The following ATP8A2 variants were observed in gnomAD, a reference collection of about 807,000 sequenced individuals.
ATP8A2 encodes ATPase phospholipid transporting 8A2, also known as phospholipid-transporting ATPase IB.
A neutral mutation model predicts 165.6 loss-of-function variants in ATP8A2; 100 were observed. The ratio of observed to expected loss-of-function variants is 0.60; its 90% confidence interval spans 0.51 to 0.71. The LOEUF (loss-of-function observed/expected upper bound fraction) is 0.71. Among genes scored for constraint, ATP8A2 ranks in the 30% least tolerant of loss-of-function variants. The probability of loss-of-function intolerance (pLI) is 0.00; values close to 1 mark genes in which losing one functional copy is unlikely to be tolerated. For missense variants in ATP8A2, 1,227 were observed against 1,479.5 expected, an observed-to-expected ratio of 0.83 and a Z score of 2.80; for synonymous variants, 543 against 548.8, an observed-to-expected ratio of 0.99 and a Z score of 0.15.
chr13:25,926,157 A>G (rs1292376657), intron 33 of ATP8A2, among the ~76,000 whole-genome samples: 1 of 152,158 alleles, frequency 6.6e-6, no homozygotes, highest in East Asian at 1.9e-4. Flanking sequence ...ATTCCTAACA[A>G]GACTTAAAGA....
chr13:25,754,268 A>C (rs75876390), intron 25 of ATP8A2, among the ~76,000 whole-genome samples: 1 of 152,210 alleles, frequency 6.6e-6, no homozygotes, highest in African/African-American at 2.4e-5. Flanking sequence ...CTGACGAAGA[A>C]GAACTGGCCC....
intron 1 of ATP8A2, among the ~76,000 whole-genome samples, chr13:25,456,795 C>T (rs1306956931): frequency 1.3e-5 from 2 of 152,126 alleles, no homozygotes; most frequent in Admixed American, 6.5e-5. Flanking sequence ...TTTATGGTGA[C>T]GGAATGACTT....
At chr13:25,814,694 G>A (rs1442824035) in intron 27 of ATP8A2, among the ~76,000 whole-genome samples, 2 of 147,772 alleles carry the variant, frequency 1.4e-5, no homozygotes, top group Non-Finnish European at 1.5e-5. Flanking sequence ...AAATAATGAA[G>A]TTGGACCCTT....
chr13:25,812,928 A>G (rs1485431908), intron 27 of ATP8A2, among the ~76,000 whole-genome samples: 3 of 152,194 alleles, frequency 2.0e-5, no homozygotes, highest in Non-Finnish European at 4.4e-5. Flanking sequence ...TGTCCTTTGC[A>G]GGGACATGGA....
At chr13:25,378,790 T>A (rs2032733197) in intron 1 of ATP8A2, among the ~76,000 whole-genome samples, 1 of 152,206 alleles carries the variant, frequency 6.6e-6, no homozygotes, top group Non-Finnish European at 1.5e-5. Context: ...TCTGCCCACC[T>A]GATACTGCGC....
Position 25,821,244 on chromosome 13 carries a change from G to C in ATP8A2, c.2680-6874G>C, listed in dbSNP as rs375238891. Among the ~76,000 whole-genome samples the C allele has an allele frequency of 1.3e-4, 20 of 152,280 alleles. 1 individual carries two copies. The South Asian group carries it at 3.3e-3, about 25-fold the overall frequency. ...AATCAACAATGTTAAATGAAATGAA[G>C]AATGAAACTTTTTACATGACTCAGT... On this transcript the variant is annotated intron_variant, in intron 27 of 36. Coordinates refer to ENST00000381655, the MANE Select transcript of ATP8A2 (RefSeq NM_016529.6).
intron 24 of ATP8A2, among the ~76,000 whole-genome samples, chr13:25,685,755 A>C (rs1475120446): frequency 3.9e-5 from 6 of 152,186 alleles, no homozygotes; most frequent in Admixed American, 1.3e-4. Context: ...GCTGGCCATC[A>C]GAAGGCACTT....
At chr13:25,738,580 G>A (rs2043837937) in intron 25 of ATP8A2, among the ~76,000 whole-genome samples, 1 of 152,222 alleles carries the variant, frequency 6.6e-6, no homozygotes, top group South Asian at 2.1e-4. Flanking sequence ...GAAGGGGCCT[G>A]GGCCTGGAGG....
chr13:25,416,236 T>G (rs2034129690), intron 1 of ATP8A2, among the ~76,000 whole-genome samples: 1 of 152,234 alleles, frequency 6.6e-6, no homozygotes, highest in Non-Finnish European at 1.5e-5. Flanking sequence ...TTTGGTTCAC[T>G]GTTTCTACTA....
chr13:25,735,511 T>C (rs1406286240), intron 25 of ATP8A2, among the ~76,000 whole-genome samples: 3 of 152,010 alleles, frequency 2.0e-5, no homozygotes, highest in East Asian at 3.9e-4. Flanking sequence ...TCTTCCTACC[T>C]CGGCCTCCCA....
chr13:25,941,517 C>T (rs150800029), intron 33 of ATP8A2, among the ~76,000 whole-genome samples: 1 of 152,282 alleles, frequency 6.6e-6, no homozygotes, highest in African/African-American at 2.4e-5. Flanking sequence ...GAAATGGATC[C>T]TCAATGAACC....
At chr13:25,800,686 C>A (rs956195235) in intron 27 of ATP8A2, among the ~76,000 whole-genome samples, 4 of 152,068 alleles carry the variant, frequency 2.6e-5, no homozygotes, top group African/African-American at 9.7e-5. Flanking sequence ...AGAAGTAACT[C>A]CCTGGGCGAT....
intron 36 of ATP8A2, among the ~76,000 whole-genome samples, chr13:26,013,319 C>A (rs570801731): frequency 6.6e-6 from 1 of 152,302 alleles, no homozygotes; most frequent in South Asian, 2.1e-4. Flanking sequence ...CTTTTCCTCC[C>A]ATACTTACTC....
intron 25 of ATP8A2, among the ~76,000 whole-genome samples, chr13:25,728,544 C>T (rs1281376401): frequency 6.6e-6 from 1 of 152,102 alleles, no homozygotes; most frequent in Non-Finnish European, 1.5e-5. Flanking sequence ...GATATTTGAT[C>T]CATGTGATGG....
Position 25,793,245 on chromosome 13 carries a change from A to G in ATP8A2, c.2679+18286A>G, listed in dbSNP as rs150698594. Among the ~76,000 whole-genome samples the G allele has an allele frequency of 4.4e-3, 675 of 152,324 alleles. 7 individuals carry two copies. The highest frequency in any genetic ancestry group is 0.015 in the African/African-American group (624 of 41,578). On this transcript the variant is annotated intron_variant, in intron 27 of 36. Transcript: ENST00000381655. The stretch of plus-strand genomic sequence containing the variant: ...ATAAAGTGATCAAGTGACCATCAGT[A>G]CAAAGACTTTTTCACATACCTGTTT...
chr13:25,950,593 T>G (rs1955329265), intron 33 of ATP8A2: 2 of 152,200 alleles, frequency 1.3e-5, no homozygotes, highest in Admixed American at 1.3e-4. Flanking sequence ...TTACCACCAA[T>G]TCAAACCAAA....
chr13:25,442,137 C>T (rs994929245), intron 1 of ATP8A2, among the ~76,000 whole-genome samples: 3 of 152,164 alleles, frequency 2.0e-5, no homozygotes, highest in Admixed American at 6.6e-5. Context: ...CATTTATCCA[C>T]GGATAAGCAA....
At chr13:25,445,257 C>T (rs1433641975) in intron 1 of ATP8A2, among the ~76,000 whole-genome samples, 1 of 152,172 alleles carries the variant, frequency 6.6e-6, no homozygotes, top group Non-Finnish European at 1.5e-5. Flanking sequence ...GGTATTAATA[C>T]AGTTAGCTCA....
chr13:25,745,560 A>C lies in ATP8A2; in HGVS notation c.2385-23486A>C, dbSNP rs868791254. Among the ~76,000 whole-genome samples the C allele has an allele frequency of 3.9e-5, 6 of 152,306 alleles. No individual in the cohort carries two copies. The South Asian group carries it at 1.2e-3, about 32-fold the overall frequency. On this transcript the variant is annotated intron_variant, in intron 25 of 36. Transcript: ENST00000381655. ...TATTTCATTTGCTTGGTCTACATCTATCTAGGCTCTGGACTATGTATCCAC... is the reference window on the plus strand; with the variant it reads ...TATTTCATTTGCTTGGTCTACATCTCTCTAGGCTCTGGACTATGTATCCAC...
Sources: allele counts gnomAD v4.1 joint callset (sites outside exome capture counted in the v4.1 genomes callset), GRCh38; gene constraint gnomAD v4.1.1; transcripts MANE v1.5; gene names NCBI Gene and HGNC (gene_info 2026-07-23, HGNC 2026-07-21).